Variants in DNAJC5B observed in about 807,000 individuals in gnomAD.
DNAJC5B encodes the protein dnaJ homolog subfamily C member 5B.
DNAJC5B carries 23 observed loss-of-function variants against 24.7 expected under a neutral mutation model. That is an observed-to-expected ratio of 0.93 (90% CI 0.67 to 1.32). The LOEUF is 1.32. Among genes scored for constraint, DNAJC5B ranks in the 40% most tolerant of loss-of-function variants. DNAJC5B has a pLI of 0.00. For synonymous variants in DNAJC5B, 101 were observed against 90.1 expected (o/e 1.12, Z -0.68); for missense variants, 238 against 240.8 (o/e 0.99, Z 0.08).
At chr8:66,066,608 T>G (rs549010326) in intron 3 of DNAJC5B, among the ~76,000 whole-genome samples, 1 of 152,284 alleles carries the variant, frequency 6.6e-6, no homozygotes, top group East Asian at 1.9e-4. Flanking sequence ...AGGCCATTAT[T>G]CTAAATAGAT....
At position 66,080,463 on chromosome 8, in the gene DNAJC5B, C is replaced by A. The variant is rs202118812; in HGVS notation, c.420C>A (p.Cys140Ter). 16 of 1,614,036 alleles carry A rather than the reference C, an allele frequency of 9.9e-6. No homozygotes were observed. In the African/African-American group the frequency reaches 1.7e-4, roughly 17 times the overall value. The change falls in exon 5 of 6, where the codon TGC becomes TGA. Residue 140 changes from cysteine (C) to a stop codon, truncating the protein, a stop_gained. Coordinates refer to ENST00000276570, the MANE Select transcript of DNAJC5B (RefSeq NM_033105.6). LOFTEE classifies it high-confidence loss of function. Reference sequence around the variant, plus strand: ...GCTGCAACTGCTGCTGTGGACACTGCCGGCCCGAGTCATCAGTGCCAGAAG... The same window carrying A: ...GCTGCAACTGCTGCTGTGGACACTGACGGCCCGAGTCATCAGTGCCAGAAG... ...CCCCNCCCGH[C>*]RPESSVPEED... is the part of the protein sequence containing the mutation.
intron 3 of DNAJC5B, among the ~76,000 whole-genome samples, chr8:66,062,342 C>T (rs931894511): frequency 6.6e-6 from 1 of 152,158 alleles, no homozygotes; most frequent in Non-Finnish European, 1.5e-5. Flanking sequence ...ATACTAGCTT[C>T]CATCTGGGAT....
chr8:66,047,602 G>A (rs560601799), intron 2 of DNAJC5B, among the ~76,000 whole-genome samples: 42 of 152,266 alleles, frequency 2.8e-4, no homozygotes, highest in Non-Finnish European at 5.1e-4. Flanking sequence ...CACCATATAC[G>A]AAAGTTGTCA....
At chr8:66,057,361 A>C (rs1356274972) in intron 3 of DNAJC5B, 1 of 152,226 alleles carries the variant, frequency 6.6e-6, no homozygotes, top group Admixed American at 6.5e-5. Context: ...AATTGAGGAC[A>C]GATCAATAGA....
intron 1 of DNAJC5B, among the ~76,000 whole-genome samples, chr8:66,033,773 T>C (rs1306912678): frequency 2.9e-5 from 3 of 101,828 alleles, no homozygotes; most frequent in Non-Finnish European, 4.6e-5. Context: ...CATTCCGCTT[T>C]TTTTTTTTTT....
intron 5 of DNAJC5B, among the ~76,000 whole-genome samples, chr8:66,085,642 C>T (rs1807707752): frequency 6.6e-6 from 1 of 151,928 alleles, no homozygotes; most frequent in South Asian, 2.1e-4. Flanking sequence ...CTAGTCTGTC[C>T]CATTGATCTA....
chr8:66,068,450 G>A (rs1235225645), intron 3 of DNAJC5B, among the ~76,000 whole-genome samples: 1 of 151,630 alleles, frequency 6.6e-6, no homozygotes, highest in African/African-American at 2.4e-5. Flanking sequence ...TTGACTAGAA[G>A]ATAGCTTAGA....
chr8:66,077,660 A>G (rs914756959), intron 4 of DNAJC5B, among the ~76,000 whole-genome samples: 1 of 152,238 alleles, frequency 6.6e-6, no homozygotes, highest in Non-Finnish European at 1.5e-5. Context: ...AAGTTCCAAT[A>G]CATAATAATA....
rs1372973251 is a variant in DNAJC5B, at chr8:66,100,154, G to A, written c.*123G>A. 40 of 811,666 alleles carry A rather than the reference G, an allele frequency of 4.9e-5. No individual in the cohort carries two copies. Among genetic ancestry groups the A allele is most frequent in the Non-Finnish European group, 6.5e-5 (35 of 537,674 alleles). The allele number at this position is 811,666 out of a possible 1,614,324, so 50.3% of individuals were successfully genotyped here. A position where few individuals can be genotyped will look rare whatever the true frequency, so the allele number is the denominator to read the frequency against. On this transcript the variant is annotated 3_prime_UTR_variant, in exon 6 of 6. Coordinates refer to ENST00000276570, the MANE Select transcript of DNAJC5B (RefSeq NM_033105.6). ...TTTCCATCTTGTTGTTTTATTTTTG[G>A]GTTAGGAAAACATGATTGCTATATA... is the stretch of plus-strand genomic sequence containing the variant.
chr8:66,023,076 G>A (rs1259373769), intron 1 of DNAJC5B, among the ~76,000 whole-genome samples: 3 of 152,152 alleles, frequency 2.0e-5, no homozygotes, highest in African/African-American at 7.2e-5. Flanking sequence ...TTTTAGAGTC[G>A]GAGGGGAACT....
chr8:66,063,481 C>G (rs1255843380), intron 3 of DNAJC5B, among the ~76,000 whole-genome samples: 1 of 152,176 alleles, frequency 6.6e-6, no homozygotes, highest in African/African-American at 2.4e-5. Flanking sequence ...TAATCTCTAT[C>G]AAGCACTAAT....
chr8:66,090,748 C>T (rs111859986), intron 5 of DNAJC5B, among the ~76,000 whole-genome samples: 7,594 of 152,154 alleles, frequency 0.05, 240 homozygotes, highest in Middle Eastern at 0.085. Context: ...TAGTATTCAT[C>T]ACATCTTACT....
At position 66,080,414 on chromosome 8, in the gene DNAJC5B, A is replaced by G. The variant is rs1807566684; in HGVS notation, c.371A>G (p.Tyr124Cys). The G allele has an allele frequency of 1.9e-6, 3 of 1,613,682 alleles. No individual in the cohort carries two copies. The part of the protein sequence containing the change: ...FVIVGLLTGC[Y>C]FCCCLCCCCN... Reference sequence around the variant, plus strand: ...ATCGTTGGCCTCTTGACGGGCTGCTACTTTTGCTGCTGCCTGTGCTGCTGC... The same window carrying G: ...ATCGTTGGCCTCTTGACGGGCTGCTGCTTTTGCTGCTGCCTGTGCTGCTGC... Residue 124 changes from tyrosine to cysteine, a missense_variant, in exon 5 of 6, where the codon TAC becomes TGC. Transcript: ENST00000276570.
chr8:66,076,376 G>A (rs1807461373), intron 3 of DNAJC5B, among the ~76,000 whole-genome samples: 1 of 152,100 alleles, frequency 6.6e-6, no homozygotes, highest in African/African-American at 2.4e-5. Flanking sequence ...AAGAAACTTC[G>A]CATATTTGCC....
At chr8:66,074,858 T>A (rs1388982609) in intron 3 of DNAJC5B, among the ~76,000 whole-genome samples, 3 of 152,176 alleles carry the variant, frequency 2.0e-5, no homozygotes, top group Admixed American at 2.0e-4. Context: ...AATCAAAATG[T>A]TGCTGATGAC....
chr8:66,037,364 C>T lies in DNAJC5B; in HGVS notation c.-141-6124C>T, dbSNP rs554235437. ...GAGCTACTGAGGGCATGAGAGGCTT[C>T]GTGGGTGCTGGGGGCTCTGTGAAGG... On this transcript the variant is annotated intron_variant, in intron 1 of 5. Coordinates refer to ENST00000276570, the MANE Select transcript of DNAJC5B (RefSeq NM_033105.6). Among the ~76,000 whole-genome samples the T allele has an allele frequency of 3.4e-4, 51 of 152,208 alleles. No homozygotes were observed. The South Asian group carries it at 0.01, about 31-fold the overall frequency.
intron 1 of DNAJC5B, among the ~76,000 whole-genome samples, chr8:66,038,683 C>CT (rs1806541180): frequency 6.6e-6 from 1 of 152,086 alleles, no homozygotes; most frequent in African/African-American, 2.4e-5. Flanking sequence ...TGTTTTCTAC[C>CT]TTTTTTTAAG....
intron 1 of DNAJC5B, among the ~76,000 whole-genome samples, chr8:66,041,754 TC>T (rs965615747): frequency 4.1e-4 from 63 of 152,352 alleles, no homozygotes; most frequent in African/African-American, 1.5e-3. Context: ...CATTTGAAAC[TC>T]ACCATTTCTA....
chr8:66,095,692 C>T (rs1022474502), intron 5 of DNAJC5B, among the ~76,000 whole-genome samples: 2 of 148,280 alleles, frequency 1.3e-5, no homozygotes, highest in Non-Finnish European at 3.0e-5. Context: ...CACACACACA[C>T]ACATACAATG....
Sources: gnomAD v4.1 joint callset for allele counts (sites outside exome capture counted in the v4.1 genomes callset) on GRCh38, gnomAD v4.1.1 for gene constraint, MANE v1.5 for transcripts, NCBI Gene and HGNC (gene_info 2026-07-23, HGNC 2026-07-21) for gene names.